The following LRRC4C variants were observed in gnomAD, a reference collection of about 807,000 sequenced individuals.
The protein encoded by LRRC4C is leucine-rich repeat-containing protein 4C.
In LRRC4C, 5 loss-of-function variants were observed where a neutral mutation model predicts 33.6. The ratio of observed to expected loss-of-function variants is 0.15; its 90% CI spans 0.08 to 0.31. LRRC4C has a LOEUF of 0.31. Ranked by LOEUF, LRRC4C falls within the 10% of genes least tolerant of loss-of-function variation. The pLI, the probability that LRRC4C is intolerant of heterozygous loss-of-function variation, is 1.00. For synonymous variants in LRRC4C, 329 were observed against 302.0 expected (o/e 1.09, Z -0.93); for missense variants, 560 against 796.7 (o/e 0.70, Z 3.58).
At chr11:40,256,149 T>C (rs758835404) in intron 4 of LRRC4C, among the ~76,000 whole-genome samples, 3 of 152,224 alleles carry the variant, frequency 2.0e-5, no homozygotes, top group Non-Finnish European at 2.9e-5. Flanking sequence ...AAGGATTTGA[T>C]AGCAAAGCTC....
intron 1 of LRRC4C, among the ~76,000 whole-genome samples, chr11:41,254,311 G>A (rs977492571): frequency 2.6e-5 from 4 of 151,860 alleles, no homozygotes; most frequent in Non-Finnish European, 4.4e-5. Context: ...TTTCAAAGTC[G>A]GGAATCATTG....
chr11:40,722,949 CA>C (rs1244912584), intron 2 of LRRC4C, among the ~76,000 whole-genome samples: 1 of 152,052 alleles, frequency 6.6e-6, no homozygotes, highest in African/African-American at 2.4e-5. Flanking sequence ...ACAGGAATTT[CA>C]AAATACATTT....
intron 2 of LRRC4C, among the ~76,000 whole-genome samples, chr11:40,655,065 TC>T (rs1227559799): frequency 6.6e-6 from 1 of 152,232 alleles, no homozygotes; most frequent in African/African-American, 2.4e-5. Flanking sequence ...AAACCTCTTT[TC>T]TTTATAAATT....
rs571109708 is a variant in LRRC4C at position 40,509,364 on chromosome 11, G to T, written c.-270+138778C>A. ...TGTTAACAGTAAATTTAAATGGTAA[G>T]ATCATGGATACAGTTTATCTTCTAC... On this transcript the variant is annotated intron_variant, in intron 3 of 6. Coordinates refer to ENST00000528697, the MANE Select transcript of LRRC4C (RefSeq NM_001258419.2). Among the ~76,000 whole-genome samples, 10 of 152,214 alleles carry T rather than the reference G, an allele frequency of 6.6e-5. No individual in the cohort carries two copies. In the South Asian group the frequency reaches 2.1e-3, roughly 32 times the overall value.
At chr11:41,073,241 A>G (rs1296695887) in intron 1 of LRRC4C, among the ~76,000 whole-genome samples, 1 of 152,136 alleles carries the variant, frequency 6.6e-6, no homozygotes, top group African/African-American at 2.4e-5. Flanking sequence ...GGGCCTCAGG[A>G]TGCTCCCACT....
At chr11:41,106,445 T>C (rs1941500060) in intron 1 of LRRC4C, among the ~76,000 whole-genome samples, 2 of 123,020 alleles carry the variant, frequency 1.6e-5, no homozygotes, top group East Asian at 2.5e-4. Context: ...TAAGAATTTA[T>C]CTATGAAAAA....
At chr11:40,508,311 T>C (rs1325200606) in intron 3 of LRRC4C, among the ~76,000 whole-genome samples, 1 of 152,152 alleles carries the variant, frequency 6.6e-6, no homozygotes, top group East Asian at 1.9e-4. Flanking sequence ...CTTTTTGCAA[T>C]GAGAATTTGT....
chr11:40,561,368 C>T (rs1254708657), intron 3 of LRRC4C, among the ~76,000 whole-genome samples: 2 of 150,462 alleles, frequency 1.3e-5, no homozygotes, highest in Admixed American at 6.6e-5. Context: ...TGTCTATATG[C>T]TCACTAGCGG....
At chr11:40,343,671 A>T (rs1375386984) in intron 3 of LRRC4C, among the ~76,000 whole-genome samples, 4 of 148,980 alleles carry the variant, frequency 2.7e-5, no homozygotes, top group African/African-American at 4.9e-5. Flanking sequence ...AGACAAAAAA[A>T]AACTTACAAA....
At chr11:40,876,403 G>T (rs7116249) in intron 2 of LRRC4C, among the ~76,000 whole-genome samples, 2 of 151,160 alleles carry the variant, frequency 1.3e-5, no homozygotes, top group Non-Finnish European at 2.9e-5. Context: ...AAATATGTCA[G>T]AAATCCCAGT....
In LRRC4C at chr11:40,774,604, G is replaced by A. The variant is rs77689276; in HGVS notation, c.-406-126326C>T. Among the ~76,000 whole-genome samples, 370 of 152,182 alleles carry A rather than the reference G, an allele frequency of 2.4e-3. 2 individuals carry two copies. Among genetic ancestry groups the A allele is most frequent in the Middle Eastern group, 6.8e-3 (2 of 294 alleles). On this transcript the variant is annotated intron_variant, in intron 2 of 6. Coordinates refer to ENST00000528697, the MANE Select transcript of LRRC4C (RefSeq NM_001258419.2). The stretch of plus-strand genomic sequence containing the variant: ...AAAGTTGAGAGAAGAGTTAAATTAC[G>A]CTATGATCTTTAACCTGTGAAGAAT...
intron 2 of LRRC4C, among the ~76,000 whole-genome samples, chr11:40,665,817 G>T (rs1170740874): frequency 6.6e-6 from 1 of 151,930 alleles, no homozygotes; most frequent in East Asian, 1.9e-4. Context: ...CCCCTTATTA[G>T]ATTAGCCAGT....
chr11:41,132,274 T>C (rs958196271), intron 1 of LRRC4C, among the ~76,000 whole-genome samples: 6 of 152,080 alleles, frequency 3.9e-5, no homozygotes, highest in Admixed American at 3.3e-4. Flanking sequence ...AAGGAAAAAA[T>C]GGTAGAACTT....
chr11:41,052,962 C>G lies in LRRC4C; in HGVS notation c.-495-119239G>C, dbSNP rs16935310. On this transcript the variant is annotated intron_variant, in intron 1 of 6. Coordinates refer to ENST00000528697, the MANE Select transcript of LRRC4C (RefSeq NM_001258419.2). Reference sequence around the variant, plus strand: ...TAGTCCATTAAATCTAATTCAGGAACCACTGGAAATACACATTTTGAACTG... The same window carrying G: ...TAGTCCATTAAATCTAATTCAGGAAGCACTGGAAATACACATTTTGAACTG... 9.4e-3 allele frequency among the ~76,000 whole-genome samples: 1,437 copies of G among 152,220 alleles called. 22 individuals carry two copies. Among genetic ancestry groups the G allele is most frequent in the African/African-American group, 0.032 (1,327 of 41,528 alleles).
intron 3 of LRRC4C, among the ~76,000 whole-genome samples, chr11:40,630,799 A>C (rs1963422457): frequency 6.6e-6 from 1 of 152,150 alleles, no homozygotes; most frequent in African/African-American, 2.4e-5. Context: ...CCAAGGCATT[A>C]GTAATCTTAA....
rs193288285 is a variant in LRRC4C at position 40,194,985 on chromosome 11, G to A, written c.-96+46534C>T. Among the ~76,000 whole-genome samples the A allele has an allele frequency of 4.7e-3, 715 of 152,040 alleles. 12 individuals are homozygous for A. The highest frequency in any genetic ancestry group is 0.031 in the Admixed American group (480 of 15,274). ...GGGAGCCTGTAGTCCCAGCTACTCC[G>A]GAGGCTGAGGTAGGAGAATTGCGTG... On this transcript the variant is annotated intron_variant, in intron 5 of 6. Coordinates refer to ENST00000528697, the MANE Select transcript of LRRC4C (RefSeq NM_001258419.2).
chr11:40,936,048 A>ATATATG, intron 1 of LRRC4C, among the ~76,000 whole-genome samples: 1 of 83,988 alleles, frequency 1.2e-5, no homozygotes, highest in Non-Finnish European at 2.4e-5. Context: ...ATATATATAT[A>ATATATG]TATATATATA....
chr11:40,231,711 T>C (rs978396491), intron 5 of LRRC4C, among the ~76,000 whole-genome samples: 1 of 152,204 alleles, frequency 6.6e-6, no homozygotes, highest in Admixed American at 6.5e-5. Context: ...TATCTAAATA[T>C]TGACACTGAA....
chr11:40,772,204 A>T (rs1443088748), intron 2 of LRRC4C, among the ~76,000 whole-genome samples: 2 of 152,192 alleles, frequency 1.3e-5, no homozygotes, highest in Non-Finnish European at 2.9e-5. Context: ...GGAAGCAAAC[A>T]CATCCTTTTC....
Sources: gnomAD v4.1 joint callset for allele counts (sites outside exome capture counted in the v4.1 genomes callset) on GRCh38, gnomAD v4.1.1 for gene constraint, MANE v1.5 for transcripts, NCBI Gene and HGNC (gene_info 2026-07-23, HGNC 2026-07-21) for gene names.